TRMT5: variants seen among roughly 807,000 people sequenced by gnomAD.
TRMT5 encodes the protein tRNA (guanine(37)-N(1))-methyltransferase.
In TRMT5, 31 loss-of-function variants were observed where a neutral mutation model predicts 42.2. The ratio of observed to expected loss-of-function variants is 0.73; its 90% CI spans 0.55 to 0.99. The LOEUF (loss-of-function observed/expected upper bound fraction) is 0.99, where lower values mean the gene tolerates loss of function less well. Among genes scored for constraint, TRMT5 ranks in the 50% least tolerant of loss-of-function variants. The pLI is 0.00. For missense variants in TRMT5, 568 were observed against 595.0 expected (o/e 0.95, Z 0.47); for synonymous variants, 198 against 209.6 (o/e 0.94, Z 0.48).
chr14:60,979,299 A>T lies in TRMT5; in HGVS notation c.599T>A (p.Phe200Tyr). Residue 200 changes from phenylalanine to tyrosine, a missense_variant, in exon 2 of 5, where the codon TTT becomes TAT. Transcript: ENST00000261249. ...GTGTGCAATATGTCCAATCCTGCTA[A>T]ACCCTGAAGTTACATCTTGACCTTC... ...LPEGQDVTSG[F>Y]SRIGHIAHLN... The T allele has an allele frequency of 1.2e-6, 2 of 1,614,110 alleles. No individual in the cohort carries two copies. Among genetic ancestry groups the T allele is most frequent in the Non-Finnish European group, 1.7e-6 (2 of 1,179,984 alleles).
chr14:60,981,454 C>T (rs775082185), upstream of TRMT5: 8 of 1,545,544 alleles, frequency 5.2e-6, no homozygotes, highest in Middle Eastern at 3.3e-4. Context: ...AAATAAGACC[C>T]AGAAAAGGAG....
chr14:60,980,424 CTGA>C (rs2036937531), intron 1 of TRMT5, among the ~76,000 whole-genome samples: 1 of 152,216 alleles, frequency 6.6e-6, no homozygotes, highest in Non-Finnish European at 1.5e-5. Context: ...AGTCTCCCAG[CTGA>C]TAAGTGGCTA....
chr14:60,978,604 G>T (rs2036877727), intron 2 of TRMT5, among the ~76,000 whole-genome samples: 1 of 152,130 alleles, frequency 6.6e-6, no homozygotes, highest in South Asian at 2.1e-4. Flanking sequence ...GTGCCTCTAT[G>T]AAAGAAAGTT....
chr14:60,973,550 A>G lies in TRMT5; in HGVS notation c.*1559T>C, dbSNP rs1442931523. 6.6e-6 allele frequency: 1 copy of G among 152,262 alleles called. No homozygotes were observed. Among genetic ancestry groups the G allele is most frequent in the Non-Finnish European group, 1.5e-5 (1 of 68,082 alleles). 9.4% of individuals were successfully genotyped at this position (152,262 alleles called of 1,614,324 possible). A position where few individuals can be genotyped will look rare whatever the true frequency, so the allele number is the denominator to read the frequency against. ...ACACCTGTAACCTTCACACATTGGG[A>G]AGCCGAGATGGGAAGATCTCAAGCC... On this transcript the variant is annotated 3_prime_UTR_variant, in exon 5 of 5. Transcript: ENST00000261249.
Position 60,973,470 on chromosome 14 carries a change from G to A in TRMT5, c.*1639C>T, listed in dbSNP as rs2036805767. ...AGATCTCATAACTCATTATCTTAAGGACACCACCAAGGGGATAGTGCTAAA... is the reference window on the plus strand; with the variant it reads ...AGATCTCATAACTCATTATCTTAAGAACACCACCAAGGGGATAGTGCTAAA... On this transcript the variant is annotated 3_prime_UTR_variant, in exon 5 of 5. Transcript: ENST00000261249. 1.3e-5 allele frequency: 2 copies of A among 152,166 alleles called. No homozygotes were observed. Among genetic ancestry groups the A allele is most frequent in the Non-Finnish European group, 2.9e-5 (2 of 68,062 alleles). The allele number at this position is 152,166 out of a possible 1,614,324, so 9.4% of individuals were successfully genotyped here. A position where few individuals can be genotyped will look rare whatever the true frequency, so the allele number is the denominator to read the frequency against.
At chr14:60,981,205 C>T, upstream of TRMT5, 3 of 1,542,944 alleles carry the variant, frequency 1.9e-6, no homozygotes, top group East Asian at 4.8e-5. Context: ...CCGCCTCTGG[C>T]GCGACCGACG....
At chr14:60,981,568 T>C, upstream of TRMT5, 2 of 1,523,742 alleles carry the variant, frequency 1.3e-6, no homozygotes, top group South Asian at 1.2e-5. Flanking sequence ...ATGAACGTGA[T>C]AGCAGCCTAG....
Position 60,979,689 on chromosome 14 carries a change from GTC to G in TRMT5, c.207_208del (p.Glu69AspfsTer2), listed in dbSNP as rs770316501. The G allele has an allele frequency of 5.6e-6, 9 of 1,614,048 alleles. No individual in the cohort carries two copies. The Admixed American group carries it at 1.5e-4, about 27-fold the overall frequency. The stretch of plus-strand genomic sequence containing the variant: ...ATCAGAAGGTGGTGAAAACAATTCA[GTC>G]TCTCTCTCATGTGTTTCTGTTTCTG... On this transcript the variant is annotated frameshift_variant, in exon 2 of 5. Transcript: ENST00000261249. LOFTEE classifies it high-confidence loss of function.
At chr14:60,981,650 G>A (rs1438810108), upstream of TRMT5, 3 of 1,437,734 alleles carry the variant, frequency 2.1e-6, no homozygotes, top group Admixed American at 2.1e-5. Context: ...CTGCGAACAT[G>A]ATGGGATGAG....
At chr14:60,976,215 A>G in intron 3 of TRMT5, 89 bp from the exon 4 acceptor site, 1 of 1,413,174 alleles carries the variant, frequency 7.1e-7, no homozygotes, top group Non-Finnish European at 9.6e-7. Context: ...ACACACAGGC[A>G]AACACATACA....
rs746638092 is a variant in TRMT5, at chr14:60,979,278, G to A, written c.620C>T (p.Ala207Val). 6 of 1,613,846 alleles carry A rather than the reference G, an allele frequency of 3.7e-6. No individual in the cohort carries two copies. The highest frequency in any genetic ancestry group is 4.2e-6 in the Non-Finnish European group (5 of 1,179,890). The change falls in exon 2 of 5, where the codon GCA (alanine) becomes GTA (valine). Residue 207 changes from alanine (A) to valine (V), a missense_variant. Ala to Val is a moderately conservative substitution (Grantham distance 64, BLOSUM62 0). Coordinates refer to ENST00000261249, the MANE Select transcript of TRMT5 (RefSeq NM_020810.3). Reference sequence around the variant, plus strand: ...CTGATGATCTCGAAGGTTTAGGTGTGCAATATGTCCAATCCTGCTAAACCC... The same window carrying A: ...CTGATGATCTCGAAGGTTTAGGTGTACAATATGTCCAATCCTGCTAAACCC... Reference protein sequence around the residue: ...TSGFSRIGHIAHLNLRDHQLP... With the variant: ...TSGFSRIGHIVHLNLRDHQLP...
upstream of TRMT5, chr14:60,981,224 G>A: frequency 6.4e-6 from 10 of 1,556,100 alleles, no homozygotes; most frequent in Non-Finnish European, 6.1e-6. Context: ...CGACTGGAGC[G>A]CAGGGCAGGG....
upstream of TRMT5, chr14:60,981,101 G>A (rs1395484578): frequency 6.3e-6 from 10 of 1,589,104 alleles, no homozygotes; most frequent in Non-Finnish European, 8.5e-6. Context: ...TGTTCGCCGC[G>A]AAGAGGGCGC....
At chr14:60,976,218 C>T in intron 3 of TRMT5, 92 bp from the exon 4 acceptor site, 2 of 1,398,482 alleles carry the variant, frequency 1.4e-6, no homozygotes, top group South Asian at 2.8e-5. Context: ...CACAGGCAAA[C>T]ACATACACAT....
At position 60,972,274 on chromosome 14, in the gene TRMT5, C is replaced by A; in HGVS notation, c.*2835G>T. 3.7e-6 allele frequency: 2 copies of A among 533,794 alleles called. No individual in the cohort carries two copies. The highest frequency in any genetic ancestry group is 2.8e-5 in the South Asian group (2 of 72,414). 33.1% of individuals were successfully genotyped at this position (533,794 alleles called of 1,614,324 possible). On this transcript the variant is annotated 3_prime_UTR_variant, in exon 5 of 5. Transcript: ENST00000261249. The stretch of plus-strand genomic sequence containing the variant: ...TTGGGATCTCCAGCACCTTCCCGCT[C>A]CTTGCCAGCATCAGCTTTTCTCTTT...
Position 60,976,083 on chromosome 14 carries a change from A to G in TRMT5, c.836T>C (p.Val279Ala), listed in dbSNP as rs1437908582. The G allele has an allele frequency of 4.3e-6, 7 of 1,611,080 alleles. No individual in the cohort carries two copies. The highest frequency in any genetic ancestry group is 5.9e-6 in the Non-Finnish European group (7 of 1,178,818). The change falls in exon 4 of 5, where the codon GTC becomes GCC. Residue 279 changes from valine (V) to alanine (A), a missense_variant. Coordinates refer to ENST00000261249, the MANE Select transcript of TRMT5 (RefSeq NM_020810.3). ...TGTAGACAGACGAGGATTCCAATAG[A>G]CTTTTGAAAAATCAAATTCATAGGT... ...NYTYEFDFSK[V>A]YWNPRLSTEH...
rs2036787943 is a variant in TRMT5, at chr14:60,972,391, C to G, written c.*2718G>C. 1 of 539,264 alleles carries G rather than the reference C, an allele frequency of 1.9e-6. No individual in the cohort carries two copies. The highest frequency in any genetic ancestry group is 3.7e-6 in the Non-Finnish European group (1 of 267,020). 33.4% of individuals were successfully genotyped at this position (539,264 alleles called of 1,614,324 possible). ...GGAGCAGGTTTAGCAGACAACCTCG[C>G]AGATCTTCTCTGTGATTCATCCTTC... On this transcript the variant is annotated 3_prime_UTR_variant, in exon 5 of 5. Transcript: ENST00000261249.
At chr14:60,978,813 A>G (rs1444652243) in intron 2 of TRMT5, among the ~76,000 whole-genome samples, 1 of 152,216 alleles carries the variant, frequency 6.6e-6, no homozygotes, top group Non-Finnish European at 1.5e-5. Flanking sequence ...TGACATATAG[A>G]AGAGGCTCAA....
chr14:60,975,856 C>A lies in TRMT5; in HGVS notation c.1063G>T (p.Asp355Tyr), dbSNP rs781599191. ...GGTCCTTGGAGGAAGTCTTTCCCAT[C>A]CAAGTTGAAGACTTTCACCTTTTGG... is the stretch of plus-strand genomic sequence containing the variant. ...VDQKVKVFNL[D>Y]GKDFLQGPVK... The change falls in exon 4 of 5, where the codon GAT becomes TAT. Residue 355 changes from aspartate (D) to tyrosine (Y), a missense_variant. By Grantham distance (160) the Asp-to-Tyr change is radical (BLOSUM62 -3). Coordinates refer to ENST00000261249, the MANE Select transcript of TRMT5 (RefSeq NM_020810.3). 1 of 1,614,192 alleles carries A rather than the reference C, an allele frequency of 6.2e-7. No homozygotes were observed. Among genetic ancestry groups the A allele is most frequent in the Non-Finnish European group, 8.5e-7 (1 of 1,180,040 alleles).
Sources: gnomAD v4.1 joint callset for allele counts (sites outside exome capture counted in the v4.1 genomes callset) on GRCh38, gnomAD v4.1.1 for gene constraint, MANE v1.5 for transcripts, NCBI Gene and HGNC (gene_info 2026-07-23, HGNC 2026-07-21) for gene names.